The following PTPRN2 variants were observed in gnomAD, a reference collection of about 807,000 sequenced individuals.
PTPRN2 encodes the protein receptor-type tyrosine-protein phosphatase N2.
Under a neutral mutation model 118.8 loss-of-function variants are expected in PTPRN2, and 74 were observed. That is an observed-to-expected ratio of 0.62 (90% CI 0.52 to 0.76). The LOEUF (loss-of-function observed/expected upper bound fraction) is 0.76. PTPRN2 is among the 30% of genes least tolerant of loss of function. The pLI, the probability that PTPRN2 is intolerant of heterozygous loss-of-function variation, is 0.00. For synonymous variants in PTPRN2, 641 were observed against 608.0 expected (o/e 1.05, Z -0.80); for missense variants, 1,481 against 1,394.4 (o/e 1.06, Z -0.99).
intron 12 of PTPRN2, among the ~76,000 whole-genome samples, chr7:157,820,147 A>G (rs1044170792): frequency 6.6e-6 from 1 of 151,676 alleles, no homozygotes; most frequent in Non-Finnish European, 1.5e-5. Flanking sequence ...GCAGACCCCC[A>G]CACACGCACA....
intron 3 of PTPRN2, among the ~76,000 whole-genome samples, chr7:158,273,012 A>G (rs1041251862): frequency 2.0e-5 from 3 of 152,206 alleles, no homozygotes; most frequent in African/African-American, 7.2e-5. Flanking sequence ...GAAAGTGGCC[A>G]TGGGCCTCCA....
At chr7:158,284,993 G>A (rs1168668594) in intron 3 of PTPRN2, among the ~76,000 whole-genome samples, 1 of 152,196 alleles carries the variant, frequency 6.6e-6, no homozygotes, top group African/African-American at 2.4e-5. Flanking sequence ...ATCCTCCACT[G>A]GGTACAAAAA....
intron 5 of PTPRN2, among the ~76,000 whole-genome samples, chr7:158,187,799 G>T (rs1037405356): frequency 2.6e-5 from 4 of 152,194 alleles, no homozygotes; most frequent in African/African-American, 7.2e-5. Context: ...ACCTCCGAGT[G>T]GGAAAGAATG....
chr7:158,521,543 TCGGAA>T lies in PTPRN2; in HGVS notation c.113-31763_113-31759del, dbSNP rs1824004013. ...TGCTGGCTCAGGAGGAAGGTCCGCA[TCGGAA>T]TGGTGGACTGTCCAGGTACTGGCTC... On this transcript the variant is annotated intron_variant, in intron 1 of 22. Transcript: ENST00000389418. 1.3e-5 allele frequency among the ~76,000 whole-genome samples: 2 copies of T among 152,098 alleles called. 1 individual carries two copies. Among genetic ancestry groups the T allele is most frequent in the African/African-American group, 4.8e-5 (2 of 41,422 alleles).
At chr7:158,370,091 C>T (rs1809847574) in intron 2 of PTPRN2, among the ~76,000 whole-genome samples, 1 of 152,148 alleles carries the variant, frequency 6.6e-6, no homozygotes, top group Admixed American at 6.5e-5. Flanking sequence ...GCAGGAGAAA[C>T]TGGTGCACGG....
At chr7:157,911,151 C>T (rs986575418) in intron 11 of PTPRN2, among the ~76,000 whole-genome samples, 3 of 152,180 alleles carry the variant, frequency 2.0e-5, no homozygotes, top group Non-Finnish European at 2.9e-5. Context: ...TCCGTGCTAT[C>T]GTGAACGGGG....
rs1157502848 is a variant in PTPRN2, at chr7:158,344,261, C to T, written c.164-27329G>A. 2.6e-5 allele frequency among the ~76,000 whole-genome samples: 4 copies of T among 152,246 alleles called. No individual in the cohort carries two copies. In the East Asian group the frequency reaches 5.8e-4, roughly 22 times the overall value. The stretch of plus-strand genomic sequence containing the variant: ...CCAAGAAGCCACCAGCCAGACCAGG[C>T]TCGGGAAGAGCTGTCTTCAGCAGGA... On this transcript the variant is annotated intron_variant, in intron 2 of 22. Transcript: ENST00000389418.
At chr7:157,543,422 C>T (rs1347752141) in intron 22 of PTPRN2, among the ~76,000 whole-genome samples, 1 of 152,238 alleles carries the variant, frequency 6.6e-6, no homozygotes, top group Non-Finnish European at 1.5e-5. Flanking sequence ...CTGGTCACCA[C>T]CCCTGGGTCC....
Position 157,810,528 on chromosome 7 carries a change from T to C in PTPRN2, c.1788+88145A>G, listed in dbSNP as rs1271698991. 6.0e-5 allele frequency among the ~76,000 whole-genome samples: 7 copies of C among 115,962 alleles called. No individual in the cohort carries two copies. In the East Asian group the frequency reaches 1.7e-3, roughly 29 times the overall value. 76.1% of individuals were successfully genotyped at this position (115,962 alleles called of 152,430 possible). ...TGGGGACGGCGGGACTGCTGGGAGC[T>C]GGGTTCTCCACGGGGACGGGGACGG... On this transcript the variant is annotated intron_variant, in intron 12 of 22. Coordinates refer to ENST00000389418, the MANE Select transcript of PTPRN2 (RefSeq NM_002847.5).
intron 11 of PTPRN2, among the ~76,000 whole-genome samples, chr7:157,906,989 A>G (rs1797807955): frequency 6.6e-6 from 1 of 152,174 alleles, no homozygotes; most frequent in African/African-American, 2.4e-5. Flanking sequence ...CACTCAGCAA[A>G]TCCTGAGATC....
chr7:158,199,139 T>C (rs1826436647), intron 4 of PTPRN2, among the ~76,000 whole-genome samples: 1 of 152,056 alleles, frequency 6.6e-6, no homozygotes, highest in African/African-American at 2.4e-5. Flanking sequence ...GACTTTAGCA[T>C]GTTCTCAGGT....
intron 11 of PTPRN2, among the ~76,000 whole-genome samples, chr7:157,981,547 C>T (rs1303965234): frequency 6.6e-6 from 1 of 152,162 alleles, no homozygotes; most frequent in Non-Finnish European, 1.5e-5. Flanking sequence ...GGAGCTTTTC[C>T]CTTTCATTCA....
intron 13 of PTPRN2, chr7:157,669,410 C>T (rs1020497070): frequency 2.3e-6 from 1 of 426,180 alleles, no homozygotes. Context: ...ACAACCCACA[C>T]ACGTGTTTGC....
chr7:158,175,636 G>A (rs528021801), intron 5 of PTPRN2, among the ~76,000 whole-genome samples: 1 of 152,294 alleles, frequency 6.6e-6, no homozygotes, highest in African/African-American at 2.4e-5. Flanking sequence ...ATTCAGGGAA[G>A]CAGGGGGGTC....
chr7:158,404,699 G>C (rs1249931029), intron 2 of PTPRN2, among the ~76,000 whole-genome samples: 2 of 146,960 alleles, frequency 1.4e-5, no homozygotes, highest in African/African-American at 5.1e-5. Context: ...CAGCTCCCGG[G>C]CCTCCAGCTC....
At chr7:158,195,152 G>C (rs184869324) in intron 4 of PTPRN2, among the ~76,000 whole-genome samples, 2 of 152,240 alleles carry the variant, frequency 1.3e-5, no homozygotes, top group East Asian at 3.9e-4. Flanking sequence ...GTCCTTCAGC[G>C]TCTGTATTTC....
At chr7:158,390,436 G>A (rs1563233608) in intron 2 of PTPRN2, among the ~76,000 whole-genome samples, 2 of 152,242 alleles carry the variant, frequency 1.3e-5, no homozygotes, top group East Asian at 3.8e-4. Flanking sequence ...GGAGTTATGA[G>A]GTGAGACCTG....
intron 2 of PTPRN2, among the ~76,000 whole-genome samples, chr7:158,419,468 T>A (rs1460716824): frequency 6.6e-6 from 1 of 151,902 alleles, no homozygotes; most frequent in Non-Finnish European, 1.5e-5. Flanking sequence ...CTCAGTCAAG[T>A]GCACGGGGCC....
chr7:158,498,659 A>T (rs2129446187), intron 1 of PTPRN2, among the ~76,000 whole-genome samples: 1 of 152,342 alleles, frequency 6.6e-6, no homozygotes. Flanking sequence ...CTAAGAAAAC[A>T]TTTCTAACCT....
Sources: gnomAD v4.1 joint callset for allele counts (sites outside exome capture counted in the v4.1 genomes callset) on GRCh38, gnomAD v4.1.1 for gene constraint, MANE v1.5 for transcripts, NCBI Gene and HGNC (gene_info 2026-07-23, HGNC 2026-07-21) for gene names.